ZMYM4: variants seen among roughly 807,000 people sequenced by gnomAD.
ZMYM4 encodes zinc finger MYM-type containing 4.
A neutral mutation model predicts 183.2 loss-of-function variants in ZMYM4; 31 were observed. That is an observed-to-expected ratio of 0.17 (90% CI 0.13 to 0.23). The LOEUF is 0.23. Ranked by LOEUF, ZMYM4 falls within the 10% of genes least tolerant of loss-of-function variation. The pLI, the probability that ZMYM4 is intolerant of heterozygous loss-of-function variation, is 1.00. For synonymous variants in ZMYM4, 592 were observed against 631.2 expected (o/e 0.94, Z 0.93); for missense variants, 1,273 against 1,840.3 (o/e 0.69, Z 5.64).
intron 9 of ZMYM4, 23 bp from the exon 10 acceptor site, chr1:35,385,410 TAAAAATGAA>T (rs1168796823): frequency 3.2e-6 from 5 of 1,585,008 alleles, no homozygotes; most frequent in Non-Finnish European, 4.3e-6. Context: ...AGGAATTTGT[TAAAAATGAA>T]TGTTGTTTTA....
At chr1:35,294,568 A>G (rs1416911490) in intron 1 of ZMYM4, among the ~76,000 whole-genome samples, 1 of 152,202 alleles carries the variant, frequency 6.6e-6, no homozygotes, top group Non-Finnish European at 1.5e-5. Context: ...ATTGTTACAA[A>G]TAAACAGATT....
chr1:35,370,578 G>A lies in ZMYM4; in HGVS notation c.1132G>A (p.Ala378Thr). The A allele has an allele frequency of 1.9e-6, 3 of 1,611,948 alleles. No individual in the cohort carries two copies. Among genetic ancestry groups the A allele is most frequent in the Non-Finnish European group, 2.5e-6 (3 of 1,178,908 alleles). ...CCTCACTGGATATACAGTTCCACCT[G>A]CCCGCCCACCGCCTCCTCTCACCAA... ...LCLTGYTVPPARPPPPLTKKT... is the reference protein window; with the variant it reads ...LCLTGYTVPPTRPPPPLTKKT... Residue 378 changes from alanine (A) to threonine (T), a missense_variant, in exon 7 of 30, where the codon GCC becomes ACC. Transcript: ENST00000314607.
At chr1:35,405,619 T>C (rs918808838) in intron 25 of ZMYM4, 151 bp downstream of exon 25, 168 of 644,752 alleles carry the variant, frequency 2.6e-4, no homozygotes, top group Non-Finnish European at 3.5e-4. Flanking sequence ...GAGGTTGTTA[T>C]AAGGGTAAGG....
intron 26 of ZMYM4, among the ~76,000 whole-genome samples, chr1:35,413,063 G>T (rs1639978549): frequency 5.9e-5 from 9 of 151,978 alleles, no homozygotes; most frequent in Admixed American, 5.9e-4. Flanking sequence ...TTTTAAAAGA[G>T]ACAGGGTCTT....
rs1041192077 is a variant in ZMYM4, at chr1:35,268,988, G to A, written c.-59G>A. 21 of 1,499,432 alleles carry A rather than the reference G, an allele frequency of 1.4e-5. No homozygotes were observed. The East Asian group carries it at 2.8e-4, about 20-fold the overall frequency. 92.9% of individuals were successfully genotyped at this position (1,499,432 alleles called of 1,614,324 possible). A position where few individuals can be genotyped will look rare whatever the true frequency, so the allele number is the denominator to read the frequency against. On this transcript the variant is annotated 5_prime_UTR_variant, in exon 1 of 30. Coordinates refer to ENST00000314607, the MANE Select transcript of ZMYM4 (RefSeq NM_005095.3). Reference sequence around the variant, plus strand: ...CTGCAGTGTGGGCGGGGGCCGGGGGGCCGAGAGGTACCGCCGCCACCGCGC... The same window carrying A: ...CTGCAGTGTGGGCGGGGGCCGGGGGACCGAGAGGTACCGCCGCCACCGCGC...
In ZMYM4 at chr1:35,297,128, G is replaced by A. The variant is rs187872165; in HGVS notation, c.39+28043G>A. ...GCCTTCCAAAGTGCTGGGATTACAA[G>A]CGTGAGGCACCGCGCCCAGCCTGCT... On this transcript the variant is annotated intron_variant, in intron 1 of 29. Transcript: ENST00000314607. Among the ~76,000 whole-genome samples, 13 of 151,942 alleles carry A rather than the reference G, an allele frequency of 8.6e-5. 2 individuals carry two copies. Among genetic ancestry groups the A allele is most frequent in the African/African-American group, 2.7e-4 (11 of 41,484 alleles).
chr1:35,300,876 G>A (rs1046715062), intron 1 of ZMYM4, among the ~76,000 whole-genome samples: 4 of 152,044 alleles, frequency 2.6e-5, no homozygotes, highest in African/African-American at 2.4e-5. Flanking sequence ...TTCTGGATCT[G>A]TTTCTGTTGA....
At chr1:35,369,324 T>TA (rs1432762244) in intron 5 of ZMYM4, among the ~76,000 whole-genome samples, 3 of 152,160 alleles carry the variant, frequency 2.0e-5, no homozygotes, top group Non-Finnish European at 4.4e-5. Flanking sequence ...ACTCATGACT[T>TA]AAAATACGTG....
intron 7 of ZMYM4, among the ~76,000 whole-genome samples, chr1:35,371,811 A>G (rs1644220472): frequency 6.6e-6 from 1 of 152,216 alleles, no homozygotes; most frequent in Non-Finnish European, 1.5e-5. Flanking sequence ...ACTGATATGC[A>G]CATCGTTTAT....
In ZMYM4 at chr1:35,396,771, A is replaced by G. The variant is rs1570520627; in HGVS notation, c.3030+101A>G. The G allele has an allele frequency of 3.8e-6, 5 of 1,331,740 alleles. No individual in the cohort carries two copies. The East Asian group carries it at 7.5e-5, about 20-fold the overall frequency. 82.5% of individuals were successfully genotyped at this position (1,331,740 alleles called of 1,614,324 possible). A position where few individuals can be genotyped will look rare whatever the true frequency, so the allele number is the denominator to read the frequency against. On this transcript the variant is annotated intron_variant, in intron 19 of 29. Transcript: ENST00000314607. ...AAGTTTTCATTTGTTAGTAAAATAT[A>G]CCTGCTTCTGATTGGCTGTTATCAT...
chr1:35,366,356 T>A (rs560731484), intron 5 of ZMYM4, among the ~76,000 whole-genome samples: 11 of 152,326 alleles, frequency 7.2e-5, no homozygotes, highest in African/African-American at 2.6e-4. Context: ...AATCTTCTGT[T>A]AATATTACTA....
intron 23 of ZMYM4, chr1:35,400,448 A>C (rs967672195): frequency 1.3e-5 from 2 of 151,500 alleles, no homozygotes; most frequent in Non-Finnish European, 2.9e-5. Flanking sequence ...CTCGTGATCC[A>C]CCCGCCTTGG....
intron 5 of ZMYM4, among the ~76,000 whole-genome samples, chr1:35,363,612 G>A (rs1570441265): frequency 6.6e-6 from 1 of 152,144 alleles, no homozygotes. Flanking sequence ...GGATGTGTTA[G>A]GGTAGTGATA....
At chr1:35,273,300 C>T (rs1557882755) in intron 1 of ZMYM4, among the ~76,000 whole-genome samples, 1 of 152,138 alleles carries the variant, frequency 6.6e-6, no homozygotes, top group Non-Finnish European at 1.5e-5. Context: ...CACACACACA[C>T]TTTAAAGTTG....
intron 2 of ZMYM4, among the ~76,000 whole-genome samples, chr1:35,356,341 T>C (rs1428839271): frequency 2.0e-5 from 3 of 152,172 alleles, no homozygotes; most frequent in Non-Finnish European, 4.4e-5. Flanking sequence ...AACACCTAAT[T>C]TTTCATTTAT....
chr1:35,414,091 G>A lies in ZMYM4; in HGVS notation c.4060+8G>A, dbSNP rs116867888. 7.9e-4 allele frequency: 1,146 copies of A among 1,443,434 alleles called. 23 individuals are homozygous for A. In the East Asian group the frequency reaches 0.021, roughly 27 times the overall value. The allele number at this position is 1,443,434 out of a possible 1,614,324, so 89.4% of individuals were successfully genotyped here. The stretch of plus-strand genomic sequence containing the variant: ...CTACAATACTTCCTAATGGTAGGGT[G>A]ATTTTTTTTTTATTGTTTTCATGAT... On this transcript the variant is annotated splice_region_variant and intron_variant, in intron 27 of 29. Coordinates refer to ENST00000314607, the MANE Select transcript of ZMYM4 (RefSeq NM_005095.3).
intron 9 of ZMYM4, among the ~76,000 whole-genome samples, chr1:35,383,277 T>TATTTGTGGGTCCATAGTAGGTGGGTCC (rs1644505553): frequency 6.6e-6 from 1 of 152,170 alleles, no homozygotes; most frequent in African/African-American, 2.4e-5. Context: ...AGTAGGTGTA[T>TATTTGTGGGTCCATAGTAGGTGGGTCC]ATATTTATGG....
chr1:35,331,204 T>G (rs1285657567), intron 2 of ZMYM4, among the ~76,000 whole-genome samples: 3 of 152,320 alleles, frequency 2.0e-5, no homozygotes, highest in South Asian at 4.1e-4. Flanking sequence ...ATACTTTCTT[T>G]ATGAAAATGT....
intron 1 of ZMYM4, among the ~76,000 whole-genome samples, chr1:35,305,908 GT>G: frequency 6.6e-6 from 1 of 152,174 alleles, no homozygotes; most frequent in South Asian, 2.1e-4. Flanking sequence ...TAATATCAGG[GT>G]TTTTTTATGC....
Sources: gnomAD v4.1 joint callset for allele counts (sites outside exome capture counted in the v4.1 genomes callset) on GRCh38, gnomAD v4.1.1 for gene constraint, MANE v1.5 for transcripts, NCBI Gene and HGNC (gene_info 2026-07-23, HGNC 2026-07-21) for gene names.